PRKAR2B: variants seen among roughly 807,000 people sequenced by gnomAD.
PRKAR2B encodes the protein cAMP-dependent protein kinase type II-beta regulatory subunit.
PRKAR2B carries 14 observed loss-of-function variants against 49.9 expected under a neutral mutation model. The ratio of observed to expected loss-of-function variants is 0.28; its 90% CI spans 0.19 to 0.44. The LOEUF (loss-of-function observed/expected upper bound fraction) is 0.44. Among genes scored for constraint, PRKAR2B ranks in the 20% least tolerant of loss-of-function variants. The pLI, the probability that PRKAR2B is intolerant of heterozygous loss-of-function variation, is 1.00. For missense variants in PRKAR2B, 393 were observed against 537.9 expected, an observed-to-expected ratio of 0.73 and a Z score of 2.67; for synonymous variants, 196 against 197.7, an observed-to-expected ratio of 0.99 and a Z score of 0.07.
At chr7:107,095,378 C>G (rs1327847653) in intron 2 of PRKAR2B, among the ~76,000 whole-genome samples, 2 of 152,158 alleles carry the variant, frequency 1.3e-5, no homozygotes, top group African/African-American at 4.8e-5. Context: ...GCTGAAGTTG[C>G]TTATCAGCTT....
chr7:107,148,276 T>TTCAGATTG (rs1394916180), intron 6 of PRKAR2B, among the ~76,000 whole-genome samples: 1 of 152,222 alleles, frequency 6.6e-6, no homozygotes, highest in Non-Finnish European at 1.5e-5. Flanking sequence ...GCCGTTCAGA[T>TTCAGATTG]TCAGATTGTC....
intron 1 of PRKAR2B, among the ~76,000 whole-genome samples, chr7:107,048,130 T>C (rs1011371947): frequency 6.6e-6 from 1 of 152,234 alleles, no homozygotes; most frequent in African/African-American, 2.4e-5. Flanking sequence ...TTCATCCCTG[T>C]GCTCTTGACT....
intron 8 of PRKAR2B, among the ~76,000 whole-genome samples, chr7:107,154,933 T>C (rs1397336399): frequency 6.6e-6 from 1 of 152,230 alleles, no homozygotes; most frequent in East Asian, 1.9e-4. Context: ...CTCAGTTGAC[T>C]GTAGTGAAAA....
At chr7:107,055,814 G>A (rs142620126) in intron 1 of PRKAR2B, among the ~76,000 whole-genome samples, 1 of 152,168 alleles carries the variant, frequency 6.6e-6, no homozygotes, top group Admixed American at 6.5e-5. Flanking sequence ...AAGCTCTTTA[G>A]TTTAATTACA....
intron 1 of PRKAR2B, among the ~76,000 whole-genome samples, chr7:107,045,968 T>C (rs931458341): frequency 3.9e-5 from 6 of 152,198 alleles, no homozygotes; most frequent in Non-Finnish European, 7.3e-5. Flanking sequence ...AGAAAAACAC[T>C]GTAGGAAGTT....
chr7:107,070,295 C>T lies in PRKAR2B; in HGVS notation c.322C>T (p.Arg108Ter), dbSNP rs1477864517. The part of the protein sequence containing the change: ...AGAFNAPVIN[R>*]FTRRASVCAE... ...TTTTCTTTTAGCTCCAGTAATAAACCGATTCACAAGGCGTGCCTCAGGTAA... is the reference window on the plus strand; with the variant it reads ...TTTTCTTTTAGCTCCAGTAATAAACTGATTCACAAGGCGTGCCTCAGGTAA... The change falls in exon 2 of 11, where the codon CGA (arginine) becomes TGA (stop). Residue 108 changes from arginine to a stop codon, truncating the protein, a stop_gained. Transcript: ENST00000265717. LOFTEE classifies it high-confidence loss of function. 1.9e-6 allele frequency: 3 copies of T among 1,606,422 alleles called. No homozygotes were observed. The highest frequency in any genetic ancestry group is 2.2e-5 in the East Asian group (1 of 44,634).
intron 3 of PRKAR2B, among the ~76,000 whole-genome samples, chr7:107,127,193 T>G (rs1196082641): frequency 6.6e-6 from 1 of 152,242 alleles, no homozygotes; most frequent in Non-Finnish European, 1.5e-5. Flanking sequence ...TGAGCTCTGA[T>G]GCTCTGATGG....
chr7:107,058,996 T>C (rs1404651037), intron 1 of PRKAR2B, among the ~76,000 whole-genome samples: 1 of 152,160 alleles, frequency 6.6e-6, no homozygotes, highest in Non-Finnish European at 1.5e-5. Flanking sequence ...TTTTTTATTT[T>C]TTTTCCTGGC....
intron 2 of PRKAR2B, among the ~76,000 whole-genome samples, chr7:107,101,135 A>ATTTTTTTTTT (rs950761298): frequency 1.9e-4 from 18 of 94,692 alleles, no homozygotes; most frequent in Non-Finnish European, 2.7e-4. Context: ...GTTGTTGCTT[A>ATTTTTTTTTT]TTTTTTTTTT....
intron 2 of PRKAR2B, chr7:107,079,625 C>T (rs950737297): frequency 3.9e-5 from 6 of 152,108 alleles, no homozygotes; most frequent in African/African-American, 1.4e-4. Flanking sequence ...ATGCCATGGG[C>T]TCTCTTATCT....
chr7:107,113,072 G>C (rs1265568699), intron 2 of PRKAR2B, among the ~76,000 whole-genome samples: 1 of 152,120 alleles, frequency 6.6e-6, no homozygotes, highest in Admixed American at 6.5e-5. Flanking sequence ...AAATTGGGAA[G>C]GATTCCGTAA....
Position 107,045,095 on chromosome 7 carries a change from C to T in PRKAR2B, c.188C>T (p.Ala63Val), listed in dbSNP as rs1793663363. 1.3e-6 allele frequency: 2 copies of T among 1,530,632 alleles called. No individual in the cohort carries two copies. The highest frequency in any genetic ancestry group is 2.5e-5 in the East Asian group (1 of 40,720). The allele number at this position is 1,530,632 out of a possible 1,614,324, so 94.8% of individuals were successfully genotyped here. A position where few individuals can be genotyped will look rare whatever the true frequency, so the allele number is the denominator to read the frequency against. Reference sequence around the variant, plus strand: ...GGCAGGACCTGGGGGGACCTGGGCGCCGCTGCCGGGGGCGGCACCCCCAGC... The same window carrying T: ...GGCAGGACCTGGGGGGACCTGGGCGTCGCTGCCGGGGGCGGCACCCCCAGC... ...HEGRTWGDLG[A>V]AAGGGTPSKG... The change falls in exon 1 of 11, where the codon GCC becomes GTC. Residue 63 changes from alanine to valine, a missense_variant. By Grantham distance (64) the Ala-to-Val change is moderately conservative (BLOSUM62 0). Transcript: ENST00000265717.
chr7:107,086,975 T>C (rs916623699), intron 2 of PRKAR2B, among the ~76,000 whole-genome samples: 2 of 152,182 alleles, frequency 1.3e-5, no homozygotes, highest in Non-Finnish European at 2.9e-5. Flanking sequence ...TTTAAGATTA[T>C]GTATACTTCA....
intron 2 of PRKAR2B, among the ~76,000 whole-genome samples, chr7:107,100,846 C>G (rs888945765): frequency 6.8e-6 from 1 of 148,064 alleles, no homozygotes; most frequent in East Asian, 2.0e-4. Flanking sequence ...TAGAATTTCT[C>G]TCTTTATTGA....
intron 4 of PRKAR2B, among the ~76,000 whole-genome samples, chr7:107,139,134 A>G (rs950281966): frequency 6.6e-6 from 1 of 152,152 alleles, no homozygotes; most frequent in East Asian, 1.9e-4. Flanking sequence ...AGCTCTCTAC[A>G]GTTCCTGAAA....
intron 4 of PRKAR2B, among the ~76,000 whole-genome samples, chr7:107,134,363 TATTTATA>T (rs1795658556): frequency 6.6e-6 from 1 of 152,142 alleles, no homozygotes; most frequent in African/African-American, 2.4e-5. Context: ...AATATATTAG[TATTTATA>T]GAGGTTCCAT....
At chr7:107,049,695 CA>C (rs1294299217) in intron 1 of PRKAR2B, among the ~76,000 whole-genome samples, 14 of 152,084 alleles carry the variant, frequency 9.2e-5, no homozygotes, top group Non-Finnish European at 1.0e-4. Flanking sequence ...CGAGGTGAAG[CA>C]GGGAATGAGC....
In PRKAR2B at chr7:107,101,486, G is replaced by A. The variant is rs187208244; in HGVS notation, c.344-20466G>A. On this transcript the variant is annotated intron_variant, in intron 2 of 10. Transcript: ENST00000265717. ...GGCTAGGGCACTGCCCAGTTTCTCC[G>A]TCCTACCCACACTGCCTTCCAGGCA... is the stretch of plus-strand genomic sequence containing the variant. Among the ~76,000 whole-genome samples the A allele has an allele frequency of 2.2e-3, 334 of 152,284 alleles. 2 individuals carry two copies. Among genetic ancestry groups the A allele is most frequent in the African/African-American group, 7.3e-3 (303 of 41,546 alleles).
intron 2 of PRKAR2B, among the ~76,000 whole-genome samples, chr7:107,102,743 T>C (rs1794996522): frequency 6.6e-6 from 1 of 152,206 alleles, no homozygotes; most frequent in Non-Finnish European, 1.5e-5. Flanking sequence ...CCATCTCAGC[T>C]CATTGCAACC....
Sources: allele counts gnomAD v4.1 joint callset (sites outside exome capture counted in the v4.1 genomes callset), GRCh38; gene constraint gnomAD v4.1.1; transcripts MANE v1.5; gene names NCBI Gene and HGNC (gene_info 2026-07-23, HGNC 2026-07-21).